TBC1D30: variants seen among roughly 807,000 people sequenced by gnomAD.
TBC1D30 encodes the protein TBC1 domain family member 30.
Under a neutral mutation model 63.2 loss-of-function variants are expected in TBC1D30, and 31 were observed. The observed-to-expected ratio is 0.49, with a 90% confidence interval of 0.37 to 0.66. The LOEUF is 0.66. TBC1D30 is among the 30% of genes least tolerant of loss of function. The probability of loss-of-function intolerance (pLI) is 0.00; values close to 1 mark genes in which losing one functional copy is unlikely to be tolerated. For synonymous variants in TBC1D30, 307 were observed against 361.5 expected (o/e 0.85, Z 1.71); for missense variants, 810 against 953.6 (o/e 0.85, Z 1.98).
At chr12:64,803,483 G>C (rs900456060) in intron 2 of TBC1D30, among the ~76,000 whole-genome samples, 67 of 152,276 alleles carry the variant, frequency 4.4e-4, no homozygotes, top group African/African-American at 1.4e-3. Context: ...CTTTTGCTGT[G>C]CAGAAGCTCT....
At chr12:64,825,811 C>G (rs1229843209) in intron 1 of TBC1D30, among the ~76,000 whole-genome samples, 1 of 152,224 alleles carries the variant, frequency 6.6e-6, no homozygotes, top group Non-Finnish European at 1.5e-5. Context: ...TGGCTGTACT[C>G]TCACTGGTGC....
chr12:64,796,020 G>T (rs544157270), intron 2 of TBC1D30, among the ~76,000 whole-genome samples: 6 of 151,958 alleles, frequency 3.9e-5, no homozygotes, highest in African/African-American at 9.7e-5. Flanking sequence ...TAGCAGCCTG[G>T]TCTACCCTGA....
At chr12:64,820,955 A>C (rs1033433409), upstream of TBC1D30, among the ~76,000 whole-genome samples, 1 of 152,234 alleles carries the variant, frequency 6.6e-6, no homozygotes, top group Non-Finnish European at 1.5e-5. Context: ...GAAACTCTTA[A>C]ATTTTATTTT....
At chr12:64,765,142 A>G (rs768243794) in intron 1 of TBC1D30, among the ~76,000 whole-genome samples, 13 of 152,218 alleles carry the variant, frequency 8.5e-5, no homozygotes, top group Non-Finnish European at 1.3e-4. Context: ...AGGGAAGACT[A>G]CGAAACCTAG....
Position 64,875,519 on chromosome 12 carries a change from A to C in TBC1D30, c.2017A>C (p.Arg673=), listed in dbSNP as rs1450696937. ...QRDAAAETEL[R]VHPPCQRHCP... is the part of the protein sequence containing the mutation. ...GGATGCTGCAGCTGAAACTGAGCTC[A>C]GGGTGCACCCACCCTGCCAGCGGCA... Residue 673 remains arginine (R), a synonymous_variant, in exon 12 of 12, where the codon AGG becomes CGG. Coordinates refer to ENST00000539867, the MANE Select transcript of TBC1D30 (RefSeq NM_015279.2). 6.5e-7 allele frequency: 1 copy of C among 1,536,162 alleles called. No homozygotes were observed. The highest frequency in any genetic ancestry group is 2.0e-5 in the Admixed American group (1 of 51,010).
chr12:64,819,959 G>T (rs918012101), upstream of TBC1D30, among the ~76,000 whole-genome samples: 4 of 152,070 alleles, frequency 2.6e-5, no homozygotes, highest in Non-Finnish European at 5.9e-5. Flanking sequence ...TGAGATCTCT[G>T]ATGCTCAGCT....
chr12:64,863,278 C>T (rs79974383), intron 8 of TBC1D30, among the ~76,000 whole-genome samples: 4 of 152,290 alleles, frequency 2.6e-5, no homozygotes, highest in East Asian at 3.9e-4. Flanking sequence ...GAGGTAACCA[C>T]GATCCTGAGT....
chr12:64,865,689 C>G (rs980764292), intron 9 of TBC1D30, among the ~76,000 whole-genome samples: 65 of 152,218 alleles, frequency 4.3e-4, no homozygotes, highest in African/African-American at 1.5e-3. Context: ...GACCCTGTCT[C>G]TAAAAAAATT....
intron 2 of TBC1D30, among the ~76,000 whole-genome samples, chr12:64,797,645 C>T (rs1323472517): frequency 6.6e-6 from 1 of 152,206 alleles, no homozygotes; most frequent in Admixed American, 6.5e-5. Flanking sequence ...TTCATACTCT[C>T]TCTCTCTTTC....
At chr12:64,851,970 C>G (rs188116565) in intron 8 of TBC1D30, among the ~76,000 whole-genome samples, 1 of 152,220 alleles carries the variant, frequency 6.6e-6, no homozygotes, top group South Asian at 2.1e-4. Context: ...TCATTTCAAC[C>G]TTGGTGAATC....
chr12:64,848,898 A>G (rs1363267145), intron 8 of TBC1D30, among the ~76,000 whole-genome samples: 1 of 152,246 alleles, frequency 6.6e-6, no homozygotes, highest in Non-Finnish European at 1.5e-5. Context: ...CCAACAGTGT[A>G]AAAGCATTCC....
At chr12:64,776,638 C>T (rs776197223), upstream of TBC1D30, among the ~76,000 whole-genome samples, 3 of 152,006 alleles carry the variant, frequency 2.0e-5, no homozygotes, top group Non-Finnish European at 4.4e-5. Context: ...CCAAAAAAAG[C>T]CCAGGACCAG....
At chr12:64,840,527 T>C (rs1410982706) in intron 7 of TBC1D30, among the ~76,000 whole-genome samples, 2 of 152,234 alleles carry the variant, frequency 1.3e-5, no homozygotes, top group Non-Finnish European at 2.9e-5. Flanking sequence ...CCAATATTCA[T>C]TGAGTGCTTG....
chr12:64,801,219 A>G lies in TBC1D30; in HGVS notation c.643+15174A>G, dbSNP rs138837119. ...TATCATTCATCTTCTTTTTCTCAGC[A>G]TCTGTTACACAGCTTCATTACAGTA... On this transcript the variant is annotated intron_variant, in intron 2 of 12. Transcript: ENST00000542120. 4.5e-3 allele frequency among the ~76,000 whole-genome samples: 682 copies of G among 152,266 alleles called. 9 individuals carry two copies. The highest frequency in any genetic ancestry group is 0.015 in the African/African-American group (633 of 41,538).
chr12:64,819,392 A>G (rs956310092), intron 2 of TBC1D30, among the ~76,000 whole-genome samples: 1 of 148,922 alleles, frequency 6.7e-6, no homozygotes, highest in Non-Finnish European at 1.5e-5. Flanking sequence ...TTGGATAATG[A>G]ATTGAAGGAA....
chr12:64,828,000 G>A (rs768742509), intron 2 of TBC1D30, 104 bp downstream of exon 2: 29 of 784,158 alleles, frequency 3.7e-5, no homozygotes, highest in Non-Finnish European at 5.2e-5. Flanking sequence ...TGAATGTGAA[G>A]ATGAGTCACT....
At chr12:64,778,832 A>G (rs948746046), upstream of TBC1D30, among the ~76,000 whole-genome samples, 1 of 152,118 alleles carries the variant, frequency 6.6e-6, no homozygotes, top group Non-Finnish European at 1.5e-5. Flanking sequence ...CTCACAGAGA[A>G]GACATTTAAG....
At chr12:64,776,296 A>G (rs890046839), upstream of TBC1D30, among the ~76,000 whole-genome samples, 6 of 152,198 alleles carry the variant, frequency 3.9e-5, no homozygotes, top group African/African-American at 1.4e-4. Context: ...GTCATGAAAA[A>G]TCATTCAAAA....
upstream of TBC1D30, among the ~76,000 whole-genome samples, chr12:64,775,727 A>G (rs1871057862): frequency 6.6e-6 from 1 of 152,246 alleles, no homozygotes; most frequent in African/African-American, 2.4e-5. Context: ...TCATCAAGAA[A>G]GAAAATTAAC....
Sources: allele counts gnomAD v4.1 joint callset (sites outside exome capture counted in the v4.1 genomes callset), GRCh38; gene constraint gnomAD v4.1.1; transcripts MANE v1.5; gene names NCBI Gene and HGNC (gene_info 2026-07-23, HGNC 2026-07-21).